SLC2A14: variants seen among roughly 807,000 people sequenced by gnomAD.
SLC2A14 encodes the protein solute carrier family 2 member 14, also known as solute carrier family 2, facilitated glucose transporter member 14.
SLC2A14 carries 13 observed loss-of-function variants against 43.0 expected under a neutral mutation model. The observed-to-expected ratio is 0.30, with a 90% confidence interval of 0.20 to 0.48. SLC2A14 has a LOEUF of 0.48. SLC2A14 is among the 20% of genes least tolerant of loss of function. The pLI is 0.99. For synonymous variants in SLC2A14, 190 were observed against 233.8 expected (o/e 0.81, Z 1.71); for missense variants, 428 against 620.4 (o/e 0.69, Z 3.29).
intron 2 of SLC2A14, 49 bp downstream of exon 2, chr12:7,869,814 A>C: frequency 1.7e-6 from 2 of 1,205,354 alleles, no homozygotes; most frequent in South Asian, 2.6e-5. Context: ...GATTATCAAC[A>C]TAACTCTGAC....
Position 7,814,636 on chromosome 12 carries a change from C to T in SLC2A14, c.1276-102G>A, listed in dbSNP as rs1304272385. On this transcript the variant is annotated intron_variant, in intron 10 of 10. Coordinates refer to ENST00000431042, the MANE Select transcript of SLC2A14 (RefSeq NM_001286234.2). The stretch of plus-strand genomic sequence containing the variant: ...ATTTCCAATAGGCTTCAAGCTATAA[C>T]CCTTCCATATTTAATGAAAACATAA... 5.8e-6 allele frequency: 7 copies of T among 1,215,858 alleles called. No homozygotes were observed. In the African/African-American group the frequency reaches 9.2e-5, roughly 16 times the overall value. 75.3% of individuals were successfully genotyped at this position (1,215,858 alleles called of 1,614,324 possible).
chr12:7,844,386 C>T (rs759783195), intron 2 of SLC2A14, among the ~76,000 whole-genome samples: 13 of 152,124 alleles, frequency 8.5e-5, no homozygotes, highest in African/African-American at 3.1e-4. Flanking sequence ...TATCTATTCT[C>T]CCACTGATGT....
chr12:7,817,962 G>A lies in SLC2A14; in HGVS notation c.1144C>T (p.Pro382Ser). 6.2e-7 allele frequency: 1 copy of A among 1,614,076 alleles called. No homozygotes were observed. Among genetic ancestry groups the A allele is most frequent in the Non-Finnish European group, 8.5e-7 (1 of 1,180,030 alleles). ...LVFVACFEIG[P>S]GPIPWFIVAE... ...ACAATAAACCAGGGAATGGGGCCTGGTCCAATTTCAAAACAGGCCACAAAG... is the reference window on the plus strand; with the variant it reads ...ACAATAAACCAGGGAATGGGGCCTGATCCAATTTCAAAACAGGCCACAAAG... Residue 382 changes from proline to serine, a missense_variant, in exon 10 of 11, where the codon CCA becomes TCA. Physicochemically the swap from Pro to Ser is moderately conservative, Grantham distance 74. Around this residue, in one of 4 missense-constraint regions of SLC2A14, gnomAD observed 119 missense variants for 188.7 expected, o/e 0.63. Coordinates refer to ENST00000431042, the MANE Select transcript of SLC2A14 (RefSeq NM_001286234.2).
upstream of SLC2A14, among the ~76,000 whole-genome samples, chr12:7,874,852 TA>T (rs1212166474): frequency 3.3e-4 from 26 of 78,592 alleles, 2 homozygotes; most frequent in South Asian, 4.2e-4. Flanking sequence ...TATTTATATA[TA>T]AATTATATAT....
chr12:7,823,009 A>G (rs1438619118), intron 7 of SLC2A14, among the ~76,000 whole-genome samples: 4 of 152,186 alleles, frequency 2.6e-5, no homozygotes, highest in African/African-American at 9.7e-5. Flanking sequence ...TGTTTTATGA[A>G]ATAATACCAG....
Position 7,828,738 on chromosome 12 carries a change from G to A in SLC2A14, c.642C>T (p.Leu214=). The A allele has an allele frequency of 6.2e-7, 1 of 1,613,926 alleles. No homozygotes were observed. Among genetic ancestry groups the A allele is most frequent in the Non-Finnish European group, 8.5e-7 (1 of 1,179,940 alleles). The change falls in exon 6 of 11, where the codon CTC becomes CTT. Residue 214 remains leucine, a synonymous_variant. Transcript: ENST00000431042. The part of the protein sequence containing the change: ...PCCPESPRFL[L]INRKKEENAT... ...CATTCTCCTCTTTTTTTCTGTTAATGAGCAAAAATCTGGGACTTTCAGGGC... is the reference window on the plus strand; with the variant it reads ...CATTCTCCTCTTTTTTTCTGTTAATAAGCAAAAATCTGGGACTTTCAGGGC...
At chr12:7,821,350 T>G in intron 7 of SLC2A14, 25 bp from the exon 8 acceptor site, 1 of 1,587,128 alleles carries the variant, frequency 6.3e-7, no homozygotes, top group Non-Finnish European at 8.6e-7. Flanking sequence ...AACATGCAGC[T>G]TTGATAAAAT....
chr12:7,864,656 C>T (rs1944811272), intron 2 of SLC2A14, among the ~76,000 whole-genome samples: 1 of 152,062 alleles, frequency 6.6e-6, no homozygotes, highest in Admixed American at 6.5e-5. Flanking sequence ...ACTGTTAAGT[C>T]TCTTTTACTA....
At chr12:7,836,367 T>G (rs1865461890) in intron 2 of SLC2A14, among the ~76,000 whole-genome samples, 1 of 152,004 alleles carries the variant, frequency 6.6e-6, no homozygotes, top group Admixed American at 6.6e-5. Context: ...ACTACAAGCG[T>G]GTGCCACCAC....
rs749525053 is a variant in SLC2A14 at position 7,819,216 on chromosome 12, TCAAA to T, written c.1071+262_1071+265del. ...TGGGCAACAAGAGCAAAACTCCGTC[TCAAA>T]CAAACAAACAAACAAACAAAAGAAT... On this transcript the variant is annotated intron_variant, in intron 9 of 10. Transcript: ENST00000431042. Among the ~76,000 whole-genome samples the T allele has an allele frequency of 3.5e-3, 536 of 152,156 alleles. 2 individuals are homozygous for T. The highest frequency in any genetic ancestry group is 0.012 in the African/African-American group (501 of 41,496).
chr12:7,815,882 G>GT (rs139136611), intron 10 of SLC2A14, among the ~76,000 whole-genome samples: 77,167 of 147,782 alleles, frequency 0.52, 20,326 homozygotes, highest in Non-Finnish European at 0.59. Flanking sequence ...GGCCAGTTTT[G>GT]TTTTTTTTTG....
Position 7,823,786 on chromosome 12 carries a change from T to C in SLC2A14, c.865-2461A>G, listed in dbSNP as rs1383603600. Among the ~76,000 whole-genome samples the C allele has an allele frequency of 2.0e-5, 3 of 152,088 alleles. No homozygotes were observed. In the South Asian group the frequency reaches 6.2e-4, roughly 32 times the overall value. ...CTCAAGTTAACAAGGGAACATTATC[T>C]AGGTTACCCAGGTTCACTTCAGTTT... On this transcript the variant is annotated intron_variant, in intron 7 of 10. Coordinates refer to ENST00000431042, the MANE Select transcript of SLC2A14 (RefSeq NM_001286234.2).
upstream of SLC2A14, chr12:7,873,195 C>T: frequency 1.0e-6 from 1 of 985,530 alleles, no homozygotes; most frequent in Non-Finnish European, 1.2e-6. Context: ...GTTTTGGGAC[C>T]CACCACCCTT....
At chr12:7,815,052 C>G (rs1863310905) in intron 10 of SLC2A14, among the ~76,000 whole-genome samples, 1 of 151,718 alleles carries the variant, frequency 6.6e-6, no homozygotes, top group African/African-American at 2.4e-5. Context: ...CCTGCCTTGG[C>G]CTCCCAAAGT....
chr12:7,838,197 C>T (rs1865619744), intron 2 of SLC2A14, among the ~76,000 whole-genome samples: 4 of 152,056 alleles, frequency 2.6e-5, no homozygotes, highest in Admixed American at 2.6e-4. Context: ...AAGTGATTCT[C>T]CTGCCTCAGC....
At chr12:7,886,340 AAATTTATTTATTTATT>A (rs1343058574) in intron 1 of SLC2A14, among the ~76,000 whole-genome samples, 5 of 118,486 alleles carry the variant, frequency 4.2e-5, no homozygotes, top group Non-Finnish European at 1.7e-5. Context: ...TAAATTTTTA[AAATTTATTTATTTATT>A]TATTTATTTA....
chr12:7,875,996 A>G (rs1181443983), upstream of SLC2A14, among the ~76,000 whole-genome samples: 1 of 151,094 alleles, frequency 6.6e-6, no homozygotes, highest in Non-Finnish European at 1.5e-5. Context: ...AAGAGACACC[A>G]AGCTGGGTGC....
At chr12:7,826,862 T>TCCTTCCTTCCTTCCTTCCTTCCTTCC (rs869102115) in intron 7 of SLC2A14, among the ~76,000 whole-genome samples, 19 of 30,880 alleles carry the variant, frequency 6.2e-4, no homozygotes, top group Non-Finnish European at 8.7e-4. Context: ...TCCTTTCTTT[T>TCCTTCCTTCCTTCCTTCCTTCCTTCC]TTCTTTCTTT....
chr12:7,825,766 C>CAAAAAAAAAAAAAAAAAAAGAAAAAA, intron 7 of SLC2A14, among the ~76,000 whole-genome samples: 1 of 121,264 alleles, frequency 8.2e-6, no homozygotes, highest in Non-Finnish European at 1.6e-5. Context: ...CTCTGTCTCA[C>CAAAAAAAAAAAAAAAAAAAGAAAAAA]AAAAAAAAAA....
Sources: gnomAD v4.1 joint callset for allele counts (sites outside exome capture counted in the v4.1 genomes callset) on GRCh38, gnomAD v4.1.1 for gene constraint, gnomAD v4.1.1 regional missense constraint, MANE v1.5 for transcripts, NCBI Gene and HGNC (gene_info 2026-07-23, HGNC 2026-07-21) for gene names.